The following HUWE1 variants were observed in gnomAD, a reference collection of about 807,000 sequenced individuals.
The protein encoded by HUWE1 is E3 ubiquitin-protein ligase HUWE1.
A neutral mutation model predicts 299.4 loss-of-function variants in HUWE1; 18 were observed. The ratio of observed to expected loss-of-function variants is 0.06; its 90% CI spans 0.04 to 0.09. The LOEUF (loss-of-function observed/expected upper bound fraction) is 0.09, where lower values mean the gene tolerates loss of function less well. Among genes scored for constraint, HUWE1 ranks in the 10% least tolerant of loss-of-function variants. The pLI, the probability that HUWE1 is intolerant of heterozygous loss-of-function variation, is 1.00. For missense variants in HUWE1, 1,832 were observed against 3,462.3 expected (o/e 0.53, Z 11.82); for synonymous variants, 1,317 against 1,286.1 (o/e 1.02, Z -0.51).
intron 83 of HUWE1, chrX:53,533,716 A>G (rs1556908785): frequency 2.3e-6 from 1 of 437,227 alleles, no homozygotes; most frequent in Non-Finnish European, 4.0e-6. Context: ...ACCTCTGCTG[A>G]GCTCTTTAGA....
chrX:53,551,557 G>T, intron 63 of HUWE1, 77 bp from the exon 64 acceptor site: 2 of 946,907 alleles, frequency 2.1e-6, no homozygotes, highest in Non-Finnish European at 3.0e-6. Context: ...TGTTGCCCAG[G>T]CTGGAGTGTA....
chrX:53,575,273 T>G (rs782484004), intron 45 of HUWE1, 52 bp from the exon 46 acceptor site: 39 of 963,416 alleles, frequency 4.0e-5, no homozygotes, highest in Middle Eastern at 5.3e-4. Flanking sequence ...AGCACCCGTC[T>G]GCAAATGGCA....
chrX:53,547,484 C>T (rs55892294), intron 68 of HUWE1, among the ~76,000 whole-genome samples, 189 bp downstream of exon 68: 1,561 of 111,038 alleles, frequency 0.014, 12 homozygotes, highest in Non-Finnish European at 0.023. Flanking sequence ...CACAGAGAGA[C>T]GGGGATGGAG....
chrX:53,607,885 ATT>A (rs2065232147), intron 24 of HUWE1, among the ~76,000 whole-genome samples, 186 bp from the exon 25 acceptor site: 1 of 111,518 alleles, frequency 9.0e-6, no homozygotes, highest in South Asian at 3.8e-4. Flanking sequence ...AATATCTACA[ATT>A]TCTGCCCAAT....
chrX:53,641,787 A>C (rs2067606125), intron 7 of HUWE1, among the ~76,000 whole-genome samples: 1 of 111,938 alleles, frequency 8.9e-6, no homozygotes, highest in Admixed American at 9.5e-5. Flanking sequence ...CATTGGTCCT[A>C]ATTTCATTAA....
chrX:53,667,611 C>G (rs1347086389), intron 3 of HUWE1, among the ~76,000 whole-genome samples: 1 of 112,247 alleles, frequency 8.9e-6, no homozygotes, highest in Non-Finnish European at 1.9e-5. Flanking sequence ...TTCGCTTTCA[C>G]ACCATCGTAA....
intron 3 of HUWE1, among the ~76,000 whole-genome samples, chrX:53,675,726 T>C (rs2069786292): frequency 8.9e-6 from 1 of 111,792 alleles, no homozygotes; most frequent in Admixed American, 9.5e-5. Flanking sequence ...ACTTTAGATA[T>C]TATGTGTAAT....
intron 33 of HUWE1, 129 bp from the exon 34 acceptor site, chrX:53,591,251 AG>A (rs1471182718): frequency 2.6e-5 from 18 of 695,728 alleles, no homozygotes; most frequent in Admixed American, 1.9e-4. Context: ...TTTATGAGCT[AG>A]GGCAATTAGG....
chrX:53,574,110 G>C (rs1286787663), intron 46 of HUWE1, 146 bp from the exon 47 acceptor site: 9 of 507,141 alleles, frequency 1.8e-5, no homozygotes, highest in Non-Finnish European at 3.1e-5. Context: ...TGCAAGAGCA[G>C]AGAACCAGGA....
chrX:53,621,792 G>A (rs782774710), intron 19 of HUWE1, among the ~76,000 whole-genome samples: 2 of 112,067 alleles, frequency 1.8e-5, no homozygotes, highest in East Asian at 5.6e-4. Context: ...AGATACCCTA[G>A]CCCAGGCAAC....
chrX:53,635,075 C>T (rs1033472118), intron 7 of HUWE1, among the ~76,000 whole-genome samples: 1 of 109,999 alleles, frequency 9.1e-6, no homozygotes, highest in Non-Finnish European at 1.9e-5. Context: ...TATCTCCCTG[C>T]CTCATGGGGC....
intron 37 of HUWE1, among the ~76,000 whole-genome samples, chrX:53,587,728 T>A (rs1556974629): frequency 1.8e-5 from 2 of 111,649 alleles, no homozygotes; most frequent in East Asian, 5.6e-4. Flanking sequence ...ACTCTTATAT[T>A]GGATTTATCC....
chrX:53,596,711 C>T (rs1195154220), intron 29 of HUWE1, among the ~76,000 whole-genome samples: 1 of 111,917 alleles, frequency 8.9e-6, no homozygotes, highest in African/African-American at 3.3e-5. Context: ...TCATGTTTAC[C>T]GCAATACTGA....
chrX:53,660,713 G>A (rs1414280770), intron 3 of HUWE1, among the ~76,000 whole-genome samples: 1 of 111,815 alleles, frequency 8.9e-6, no homozygotes, highest in Non-Finnish European at 1.9e-5. Flanking sequence ...CAGTCACATA[G>A]CTAATTGACA....
intron 43 of HUWE1, among the ~76,000 whole-genome samples, chrX:53,579,417 C>T (rs2063488695): frequency 9.0e-6 from 1 of 111,481 alleles, no homozygotes; most frequent in African/African-American, 3.3e-5. Flanking sequence ...GGGAGCCCCT[C>T]TGCCCGGCCA....
chrX:53,640,054 T>C (rs1189288431), intron 7 of HUWE1, among the ~76,000 whole-genome samples: 1 of 112,987 alleles, frequency 8.9e-6, no homozygotes, highest in African/African-American at 3.2e-5. Flanking sequence ...AAGATTTCTA[T>C]GAGCATTGTT....
chrX:53,570,966 T>C (rs1457219166), intron 47 of HUWE1, among the ~76,000 whole-genome samples: 1 of 112,710 alleles, frequency 8.9e-6, no homozygotes, highest in African/African-American at 3.2e-5. Flanking sequence ...CAGTAGTGAA[T>C]ACATACAAAG....
chrX:53,549,901 C>T (rs782716902), intron 66 of HUWE1, among the ~76,000 whole-genome samples: 20 of 109,731 alleles, frequency 1.8e-4, no homozygotes, highest in East Asian at 8.6e-4. Context: ...TACTAGTGCG[C>T]GCCACCACAC....
Position 53,579,755 on chromosome X carries a change from TCGTTAAGAG to T in HUWE1, c.5716+1067_5716+1075del, listed in dbSNP as rs782255536. ...AAACAGATGCTTGAAGGCAGCATGC[TCGTTAAGAG>T]TCATCACCACTCCCTAATCTCAAGT... On this transcript the variant is annotated intron_variant, in intron 43 of 83. Transcript: ENST00000262854. 34 of 99,729 alleles carry T rather than the reference TCGTTAAGAG, an allele frequency of 3.4e-4. No individual in the cohort carries two copies. The South Asian group carries it at 0.016, about 47-fold the overall frequency. The allele number at this position is 99,729 out of a possible 1,213,427, so 8.2% of individuals were successfully genotyped here.
Sources: gnomAD v4.1 joint callset for allele counts (sites outside exome capture counted in the v4.1 genomes callset) on GRCh38, gnomAD v4.1.1 for gene constraint, MANE v1.5 for transcripts, NCBI Gene and HGNC (gene_info 2026-07-23, HGNC 2026-07-21) for gene names.